NRG3: variants seen among roughly 807,000 people sequenced by gnomAD.
NRG3 encodes the protein neuregulin 3, also known as pro-neuregulin-3, membrane-bound isoform.
A neutral mutation model predicts 66.9 loss-of-function variants in NRG3; 31 were observed. That is an observed-to-expected ratio of 0.46 (90% CI 0.35 to 0.63). NRG3 has a LOEUF of 0.63. NRG3 is among the 20% of genes least tolerant of loss of function. The probability of loss-of-function intolerance (pLI) is 0.00; values close to 1 mark genes in which losing one functional copy is unlikely to be tolerated. For synonymous variants in NRG3, 393 were observed against 359.4 expected (o/e 1.09, Z -1.06); for missense variants, 910 against 878.9 (o/e 1.04, Z -0.45).
chr10:82,269,238 T>G (rs1589533776), intron 1 of NRG3, among the ~76,000 whole-genome samples: 1 of 152,052 alleles, frequency 6.6e-6, no homozygotes, highest in South Asian at 2.1e-4. Context: ...TAATAGGAGG[T>G]GGTTGTCTAA....
At position 82,908,428 on chromosome 10, in the gene NRG3, C is replaced by T. The variant is rs1453619908; in HGVS notation, c.1054+42991C>T. On this transcript the variant is annotated intron_variant, in intron 4 of 8. Coordinates refer to ENST00000372141, the MANE Select transcript of NRG3 (RefSeq NM_001010848.4). ...TACACCTTGACCTGAGCAGAAGATACACTGAGACCTGCCAAGTTCTGAGCA... is the reference window on the plus strand; with the variant it reads ...TACACCTTGACCTGAGCAGAAGATATACTGAGACCTGCCAAGTTCTGAGCA... Among the ~76,000 whole-genome samples, 3 of 152,302 alleles carry T rather than the reference C, an allele frequency of 2.0e-5. No individual in the cohort carries two copies. In the East Asian group the frequency reaches 5.8e-4, roughly 29 times the overall value.
At chr10:82,889,124 T>C (rs889514092) in intron 4 of NRG3, among the ~76,000 whole-genome samples, 3 of 152,072 alleles carry the variant, frequency 2.0e-5, no homozygotes, top group African/African-American at 7.2e-5. Context: ...AGAGCTGATT[T>C]TTTGAGAAAA....
At chr10:81,900,889 TA>T (rs1374897294) in intron 1 of NRG3, among the ~76,000 whole-genome samples, 1 of 152,054 alleles carries the variant, frequency 6.6e-6, no homozygotes, top group Non-Finnish European at 1.5e-5. Flanking sequence ...TAAAACATTT[TA>T]AAAGAGGTTT....
At chr10:81,971,189 A>G (rs2059920367) in intron 1 of NRG3, among the ~76,000 whole-genome samples, 2 of 152,212 alleles carry the variant, frequency 1.3e-5, no homozygotes, top group African/African-American at 2.4e-5. Flanking sequence ...ATGCAAGTGA[A>G]GAGCCCCGAG....
intron 1 of NRG3, among the ~76,000 whole-genome samples, chr10:82,137,724 A>G (rs2069474186): frequency 6.6e-6 from 1 of 152,210 alleles, no homozygotes; most frequent in African/African-American, 2.4e-5. Flanking sequence ...AGATTGGAGC[A>G]GCAAGAATTT....
Position 82,689,987 on chromosome 10 carries a change from A to G in NRG3, c.954-48590A>G, listed in dbSNP as rs367983059. ...CTAAGAGGTTGAATTTCTTGAAACT[A>G]TTTTATAATGACCATTTCCTTACTT... is the stretch of plus-strand genomic sequence containing the variant. On this transcript the variant is annotated intron_variant, in intron 2 of 8. Transcript: ENST00000372141. 4.7e-4 allele frequency among the ~76,000 whole-genome samples: 71 copies of G among 152,292 alleles called. No individual in the cohort carries two copies. In the South Asian group the frequency reaches 0.012, roughly 25 times the overall value.
intron 1 of NRG3, among the ~76,000 whole-genome samples, chr10:81,926,130 AT>A (rs1342864529): frequency 6.6e-6 from 1 of 151,060 alleles, no homozygotes; most frequent in Non-Finnish European, 1.5e-5. Flanking sequence ...TTTATTTATT[AT>A]TTTTGAGATG....
chr10:82,358,999 G>T (rs999845042), intron 2 of NRG3, 131 bp downstream of exon 2: 1 of 1,300,188 alleles, frequency 7.7e-7, no homozygotes, highest in African/African-American at 1.5e-5. Flanking sequence ...GCAGAATTGC[G>T]AGTCTTAATT....
At chr10:82,907,411 A>T (rs1844850193) in intron 4 of NRG3, among the ~76,000 whole-genome samples, 1 of 152,186 alleles carries the variant, frequency 6.6e-6, no homozygotes, top group Non-Finnish European at 1.5e-5. Context: ...CGAATCATGG[A>T]TTCTATTGTA....
At chr10:82,808,529 T>G (rs941473757) in intron 3 of NRG3, among the ~76,000 whole-genome samples, 1 of 152,190 alleles carries the variant, frequency 6.6e-6, no homozygotes, top group Non-Finnish European at 1.5e-5. Flanking sequence ...GTGTGAGATC[T>G]TTCATAGATG....
At chr10:82,767,790 A>T (rs1418199887) in intron 3 of NRG3, among the ~76,000 whole-genome samples, 1 of 152,030 alleles carries the variant, frequency 6.6e-6, no homozygotes, top group Non-Finnish European at 1.5e-5. Flanking sequence ...TACATTTTAC[A>T]GGTGAAATAC....
chr10:81,997,360 C>T (rs980721224), intron 1 of NRG3, among the ~76,000 whole-genome samples: 1 of 152,220 alleles, frequency 6.6e-6, no homozygotes, highest in African/African-American at 2.4e-5. Flanking sequence ...ATGTCCTTCG[C>T]CTCCAGCCTT....
chr10:82,720,798 G>C (rs2057251213), intron 2 of NRG3, among the ~76,000 whole-genome samples: 1 of 87,468 alleles, frequency 1.1e-5, no homozygotes, highest in Non-Finnish European at 2.0e-5. Context: ...ACATATATAG[G>C]AGTATTTTAT....
intron 4 of NRG3, among the ~76,000 whole-genome samples, chr10:82,902,538 G>A (rs988089157): frequency 6.6e-6 from 1 of 152,044 alleles, no homozygotes; most frequent in Non-Finnish European, 1.5e-5. Flanking sequence ...TTTTTGAAAG[G>A]TCAGTAATTA....
intron 1 of NRG3, among the ~76,000 whole-genome samples, chr10:81,964,912 A>C (rs2059674618): frequency 6.6e-6 from 1 of 152,134 alleles, no homozygotes; most frequent in Admixed American, 6.5e-5. Flanking sequence ...TTTATTATGG[A>C]TACCATAGAA....
chr10:81,962,849 T>C (rs2059573932), intron 1 of NRG3, among the ~76,000 whole-genome samples: 1 of 152,212 alleles, frequency 6.6e-6, no homozygotes, highest in African/African-American at 2.4e-5. Context: ...TTTTAGGATT[T>C]CCACAGTATG....
At chr10:82,748,222 A>G (rs1234322350) in intron 3 of NRG3, among the ~76,000 whole-genome samples, 2 of 151,844 alleles carry the variant, frequency 1.3e-5, no homozygotes, top group Non-Finnish European at 2.9e-5. Context: ...ATTCAACCAT[A>G]TATTGATTTG....
Position 82,200,591 on chromosome 10 carries a change from A to G in NRG3, c.824-158148A>G, listed in dbSNP as rs193240767. ...ATATTATTTGGCAAATAAATCAATG[A>G]TGGGTTCTAACTCTATCTTTACAAC... On this transcript the variant is annotated intron_variant, in intron 1 of 8. Coordinates refer to ENST00000372141, the MANE Select transcript of NRG3 (RefSeq NM_001010848.4). 4.9e-4 allele frequency among the ~76,000 whole-genome samples: 74 copies of G among 152,232 alleles called. No homozygotes were observed. In the South Asian group the frequency reaches 5.2e-3, roughly 11 times the overall value.
chr10:82,750,151 C>A (rs2058805156), intron 3 of NRG3, among the ~76,000 whole-genome samples: 1 of 152,106 alleles, frequency 6.6e-6, no homozygotes, highest in African/African-American at 2.4e-5. Flanking sequence ...TTACCTATTT[C>A]TTTTGATGGT....
Sources: allele counts gnomAD v4.1 joint callset (sites outside exome capture counted in the v4.1 genomes callset), GRCh38; gene constraint gnomAD v4.1.1; transcripts MANE v1.5; gene names NCBI Gene and HGNC (gene_info 2026-07-23, HGNC 2026-07-21).